DST: variants seen among roughly 807,000 people sequenced by gnomAD.
DST encodes bullous pemphigoid antigen.
A neutral mutation model predicts 875.2 loss-of-function variants in DST; 253 were observed. The ratio of observed to expected loss-of-function variants is 0.29; its 90% CI spans 0.26 to 0.32. The LOEUF is 0.32. Among genes scored for constraint, DST ranks in the 10% least tolerant of loss-of-function variants. The pLI is 1.00. For missense variants in DST, 8,287 were observed against 9,111.6 expected, an observed-to-expected ratio of 0.91 and a Z score of 3.68; for synonymous variants, 3,124 against 3,197.1, an observed-to-expected ratio of 0.98 and a Z score of 0.77.
intron 82 of DST, among the ~76,000 whole-genome samples, chr6:56,496,248 A>C (rs981761345): frequency 6.6e-6 from 1 of 152,160 alleles, no homozygotes; most frequent in Admixed American, 6.6e-5. Flanking sequence ...CCTAAATTTA[A>C]TTTCACAGTC....
intron 4 of DST, among the ~76,000 whole-genome samples, chr6:56,817,121 A>T (rs1339385280): frequency 1.3e-5 from 2 of 149,674 alleles, no homozygotes; most frequent in African/African-American, 2.4e-5. Flanking sequence ...AGTAAATTAA[A>T]TTTTTTTTTT....
At chr6:56,583,262 T>C (rs1458946758) in intron 49 of DST, among the ~76,000 whole-genome samples, 1 of 152,188 alleles carries the variant, frequency 6.6e-6, no homozygotes, top group Non-Finnish European at 1.5e-5. Flanking sequence ...CACCTGTTGT[T>C]TCCTGACTTT....
At chr6:56,698,798 C>T (rs2152872627) in intron 9 of DST, among the ~76,000 whole-genome samples, 1 of 152,134 alleles carries the variant, frequency 6.6e-6, no homozygotes, top group Non-Finnish European at 1.5e-5. Flanking sequence ...ATTTCTGGGT[C>T]TTTTTTATAA....
chr6:56,607,210 T>C lies in DST; in HGVS notation c.7418A>G (p.Asp2473Gly), dbSNP rs777252545. 5 of 1,613,558 alleles carry C rather than the reference T, an allele frequency of 3.1e-6. No homozygotes were observed. The highest frequency in any genetic ancestry group is 4.2e-6 in the Non-Finnish European group (5 of 1,179,648). ...TCTTTGACCTGACAACATGGTTTTG[T>C]CACTGAATGATAAGGCTGGGGCTTC... is the stretch of plus-strand genomic sequence containing the variant. Reference protein sequence around the residue: ...KCEAPALSFSDKTMLSGQRIG... With the variant: ...KCEAPALSFSGKTMLSGQRIG... The change falls in exon 40 of 104, where the codon GAC (aspartate) becomes GGC (glycine). Residue 2473 changes from aspartate to glycine, a missense_variant. This residue lies in a region of DST where 3,138 missense variants were observed against 3,116.6 expected (regional missense o/e 1.01). Transcript: ENST00000680361.
In DST at chr6:56,634,498, G is replaced by A. The variant is rs1335495750; in HGVS notation, c.3458C>T (p.Pro1153Leu). The change falls in exon 26 of 104, where the codon CCT (proline) becomes CTT (leucine). Residue 1153 changes from proline to leucine, a missense_variant. Pro to Leu is a moderately conservative substitution (Grantham distance 98, BLOSUM62 -3). Transcript: ENST00000680361. ...AMVPSVCFTV[P>L]PPNKEAVDLA... ...GTCCACCGCTTCTTTGTTTGGTGGA[G>A]GAACGGTGAAGCACACAGATGGGAC... is the stretch of plus-strand genomic sequence containing the variant. 6.2e-7 allele frequency: 1 copy of A among 1,614,136 alleles called. No homozygotes were observed. Among genetic ancestry groups the A allele is most frequent in the South Asian group, 1.1e-5 (1 of 91,072 alleles).
chr6:56,585,871 GC>G (rs1340871328), intron 49 of DST, among the ~76,000 whole-genome samples: 1 of 152,142 alleles, frequency 6.6e-6, no homozygotes, highest in African/African-American at 2.4e-5. Context: ...TCATTCAGGA[GC>G]AGGTTGTTCA....
chr6:56,594,251 G>C, intron 47 of DST, 58 bp from the exon 48 acceptor site: 1 of 1,409,730 alleles, frequency 7.1e-7, no homozygotes, highest in South Asian at 1.5e-5. Flanking sequence ...CACCTGCAGG[G>C]AGCTCCTTGC....
intron 4 of DST, among the ~76,000 whole-genome samples, chr6:56,806,961 AT>A (rs1185994002): frequency 2.0e-5 from 3 of 152,166 alleles, no homozygotes; most frequent in Non-Finnish European, 4.4e-5. Flanking sequence ...CTATATACCT[AT>A]AAAGATGGCT....
At chr6:56,754,098 G>T (rs58096205) in intron 4 of DST, among the ~76,000 whole-genome samples, 1 of 151,950 alleles carries the variant, frequency 6.6e-6, no homozygotes, top group East Asian at 1.9e-4. Flanking sequence ...AATGACTTTC[G>T]GTTTCTTTTA....
intron 4 of DST, among the ~76,000 whole-genome samples, chr6:56,844,797 G>A (rs1255503253): frequency 1.3e-5 from 2 of 151,756 alleles, no homozygotes; most frequent in South Asian, 2.1e-4. Flanking sequence ...GCTTGAACCC[G>A]GGAGGTGGAG....
At chr6:56,944,010 G>A (rs536416437) in intron 2 of DST, among the ~76,000 whole-genome samples, 11 of 152,074 alleles carry the variant, frequency 7.2e-5, no homozygotes, top group East Asian at 1.9e-4. Context: ...CCAGCTACTC[G>A]GGCAGCTGAG....
intron 3 of DST, among the ~76,000 whole-genome samples, chr6:56,860,275 A>T (rs1230107876): frequency 6.6e-6 from 1 of 152,176 alleles, no homozygotes; most frequent in Non-Finnish European, 1.5e-5. Flanking sequence ...TCAGAGAGTA[A>T]AGGAAAAGGT....
intron 10 of DST, among the ~76,000 whole-genome samples, chr6:56,656,151 G>C (rs4446574): frequency 6.6e-6 from 1 of 152,186 alleles, no homozygotes; most frequent in Non-Finnish European, 1.5e-5. Context: ...CCAAGTTTTA[G>C]AATCCTTATC....
Position 56,614,385 on chromosome 6 carries a change from C to T in DST, c.5029G>A (p.Ala1677Thr). The change falls in exon 37 of 104, where the codon GCT (alanine) becomes ACT (threonine). Residue 1677 changes from alanine to threonine, a missense_variant. Physicochemically the swap from Ala to Thr is moderately conservative, Grantham distance 58. This residue lies in a region of DST where 3,138 missense variants were observed against 3,116.6 expected (regional missense o/e 1.01). Coordinates refer to ENST00000680361, the MANE Select transcript of DST (RefSeq NM_001374736.1). The part of the protein sequence containing the change: ...ISKTLKDAEK[A>T]GKPPFSKQKI... ...TGCTTAGAGAAGGGAGGTTTTCCAG[C>T]CTTCTCTGCATCTTTCAATGTCTTG... The T allele has an allele frequency of 6.2e-7, 1 of 1,607,940 alleles. No individual in the cohort carries two copies. The highest frequency in any genetic ancestry group is 8.5e-7 in the Non-Finnish European group (1 of 1,177,132).
intron 80 of DST, 150 bp downstream of exon 80, chr6:56,500,930 A>T: frequency 2.8e-6 from 2 of 722,216 alleles, no homozygotes; most frequent in Non-Finnish European, 4.2e-6. Context: ...TAATGTTTTA[A>T]GTAGTTAACC....
At chr6:56,920,792 T>G (rs1396702322) in intron 2 of DST, among the ~76,000 whole-genome samples, 1 of 144,104 alleles carries the variant, frequency 6.9e-6, no homozygotes, top group East Asian at 2.1e-4. Flanking sequence ...GCAGTAGCAC[T>G]ATCACCACTC....
chr6:56,800,769 A>G (rs910884805), intron 4 of DST, among the ~76,000 whole-genome samples: 2 of 152,224 alleles, frequency 1.3e-5, no homozygotes, highest in Non-Finnish European at 2.9e-5. Flanking sequence ...CTGTAATCCC[A>G]GCACTTTGGG....
intron 2 of DST, among the ~76,000 whole-genome samples, chr6:56,913,368 G>A (rs916325000): frequency 3.9e-5 from 6 of 152,154 alleles, no homozygotes; most frequent in South Asian, 4.1e-4. Flanking sequence ...GTATCTGCTC[G>A]AGGACTGAAA....
rs754652342 is a variant in DST at position 56,459,256 on chromosome 6, T to C, written c.23206A>G (p.Thr7736Ala). 1.9e-6 allele frequency: 3 copies of C among 1,612,084 alleles called. No individual in the cohort carries two copies. The highest frequency in any genetic ancestry group is 2.5e-6 in the Non-Finnish European group (3 of 1,179,020). ...GCTCGACTTCCTGGTCGGCTGGGAG[T>C]CTTCTTGGAATCTGAGGAAAGAAGG... Reference protein sequence around the residue: ...VRTQFADSKKTPSRPGSRAGS... With the variant: ...VRTQFADSKKAPSRPGSRAGS... The change falls in exon 104 of 104, where the codon ACT (threonine) becomes GCT (alanine). Residue 7736 changes from threonine to alanine, a missense_variant. By Grantham distance (58) the Thr-to-Ala change is moderately conservative. Transcript: ENST00000680361.
Sources: gnomAD v4.1 joint callset for allele counts (sites outside exome capture counted in the v4.1 genomes callset) on GRCh38, gnomAD v4.1.1 for gene constraint, gnomAD v4.1.1 regional missense constraint, MANE v1.5 for transcripts, NCBI Gene and HGNC (gene_info 2026-07-23, HGNC 2026-07-21) for gene names.